The following CSMD2 variants were observed in gnomAD, a reference collection of about 807,000 sequenced individuals.
CSMD2 encodes CUB and sushi domain-containing protein 2.
Under a neutral mutation model 398.5 loss-of-function variants are expected in CSMD2, and 130 were observed. The ratio of observed to expected loss-of-function variants is 0.33; its 90% confidence interval spans 0.28 to 0.38. The LOEUF (loss-of-function observed/expected upper bound fraction) is 0.38. Among genes scored for constraint, CSMD2 ranks in the 10% least tolerant of loss-of-function variants. The pLI, the probability that CSMD2 is intolerant of heterozygous loss-of-function variation, is 1.00. For missense variants in CSMD2, 3,829 were observed against 4,764.9 expected (o/e 0.80, Z 5.78); for synonymous variants, 1,828 against 1,908.5 (o/e 0.96, Z 1.10).
intron 1 of CSMD2, among the ~76,000 whole-genome samples, chr1:34,134,938 G>A (rs1248745254): frequency 6.6e-6 from 1 of 152,114 alleles, no homozygotes; most frequent in African/African-American, 2.4e-5. Context: ...GTGGTTCCTT[G>A]ACCAGCACAT....
At position 33,848,815 on chromosome 1, in the gene CSMD2, T is replaced by TG. The variant is rs560560002; in HGVS notation, c.921-1820_921-1819insC. ...GAGCCACAAACGTATTGTGGGTTTT[T>TG]TTTTTTTTTTCTCCAGGCCAAATTC... On this transcript the variant is annotated intron_variant, in intron 5 of 70. Coordinates refer to ENST00000373381, the MANE Select transcript of CSMD2 (RefSeq NM_001281956.2). 7.9e-5 allele frequency among the ~76,000 whole-genome samples: 12 copies of TG among 151,616 alleles called. No homozygotes were observed. In the East Asian group the frequency reaches 1.9e-3, roughly 24 times the overall value.
intron 25 of CSMD2, among the ~76,000 whole-genome samples, chr1:33,681,990 A>T (rs149230749): frequency 1.0e-3 from 155 of 152,194 alleles, no homozygotes; most frequent in African/African-American, 3.4e-3. Flanking sequence ...ACATAAACAA[A>T]ACCAGAAATT....
At chr1:33,853,860 C>A (rs966446390) in intron 5 of CSMD2, among the ~76,000 whole-genome samples, 2 of 152,142 alleles carry the variant, frequency 1.3e-5, no homozygotes, top group Non-Finnish European at 2.9e-5. Flanking sequence ...GGTGGGATAT[C>A]GAATTACATC....
chr1:34,033,463 T>A (rs763827696), intron 2 of CSMD2, among the ~76,000 whole-genome samples: 7 of 152,232 alleles, frequency 4.6e-5, no homozygotes, highest in Non-Finnish European at 1.0e-4. Flanking sequence ...TAATCATTTT[T>A]AAAGATTCCT....
intron 5 of CSMD2, among the ~76,000 whole-genome samples, chr1:33,880,136 C>A (rs898294354): frequency 6.6e-6 from 1 of 152,108 alleles, no homozygotes; most frequent in South Asian, 2.1e-4. Context: ...GATGATTTAT[C>A]TAATTTAATG....
chr1:33,913,966 G>T (rs1420517239), intron 5 of CSMD2, among the ~76,000 whole-genome samples: 1 of 152,114 alleles, frequency 6.6e-6, no homozygotes, highest in Non-Finnish European at 1.5e-5. Flanking sequence ...ATGGGCTGGA[G>T]ATCACTTCTA....
chr1:33,880,755 T>C (rs1216753090), intron 5 of CSMD2, among the ~76,000 whole-genome samples: 1 of 152,196 alleles, frequency 6.6e-6, no homozygotes, highest in Non-Finnish European at 1.5e-5. Context: ...ATTCTTATAC[T>C]CAAAGAAAGT....
chr1:33,646,206 G>C (rs1201894619), intron 29 of CSMD2, among the ~76,000 whole-genome samples: 5 of 152,170 alleles, frequency 3.3e-5, no homozygotes, highest in African/African-American at 1.2e-4. Context: ...CATGACCCTA[G>C]GATTAGATGG....
At chr1:33,917,638 C>CT (rs1192814978) in intron 5 of CSMD2, among the ~76,000 whole-genome samples, 1 of 152,172 alleles carries the variant, frequency 6.6e-6, no homozygotes, top group Admixed American at 6.5e-5. Flanking sequence ...TAATGCCTTT[C>CT]TGATGTATCA....
intron 3 of CSMD2, among the ~76,000 whole-genome samples, chr1:33,997,648 G>A (rs1220681049): frequency 1.3e-5 from 2 of 152,106 alleles, no homozygotes; most frequent in South Asian, 2.1e-4. Context: ...ATTAACAAAC[G>A]TGCTGAGAGC....
At chr1:33,549,102 A>G (rs1204735403) in intron 56 of CSMD2, among the ~76,000 whole-genome samples, 1 of 152,230 alleles carries the variant, frequency 6.6e-6, no homozygotes, top group Non-Finnish European at 1.5e-5. Context: ...GAGAGATCTA[A>G]TGAATATCTC....
chr1:34,112,287 T>C (rs1459469422), intron 1 of CSMD2, among the ~76,000 whole-genome samples: 4 of 149,622 alleles, frequency 2.7e-5, no homozygotes, highest in Non-Finnish European at 4.4e-5. Flanking sequence ...TTAGAAGACA[T>C]TGCCATGGCC....
At chr1:34,060,499 CG>C (rs1339930793) in intron 2 of CSMD2, among the ~76,000 whole-genome samples, 2 of 152,158 alleles carry the variant, frequency 1.3e-5, no homozygotes, top group African/African-American at 4.8e-5. Context: ...CAGGCAACTG[CG>C]GCAGCCTGGG....
intron 25 of CSMD2, among the ~76,000 whole-genome samples, chr1:33,674,277 TG>T (rs1644619366): frequency 6.6e-6 from 1 of 150,900 alleles, no homozygotes; most frequent in Non-Finnish European, 1.5e-5. Flanking sequence ...ACCAAGCAAA[TG>T]GAAAACAAAA....
At chr1:33,968,657 T>A (rs1192163609) in intron 3 of CSMD2, among the ~76,000 whole-genome samples, 1 of 152,158 alleles carries the variant, frequency 6.6e-6, no homozygotes, top group Non-Finnish European at 1.5e-5. Context: ...CTGAATGAGC[T>A]TGGAATTGAA....
At chr1:33,779,975 A>G (rs1652503116) in intron 12 of CSMD2, among the ~76,000 whole-genome samples, 1 of 152,200 alleles carries the variant, frequency 6.6e-6, no homozygotes, top group African/African-American at 2.4e-5. Flanking sequence ...AACAGCGTAG[A>G]GTCTAGAGAA....
intron 8 of CSMD2, among the ~76,000 whole-genome samples, chr1:33,820,095 A>C (rs746048662): frequency 4.6e-5 from 7 of 152,178 alleles, no homozygotes; most frequent in Admixed American, 1.3e-4. Flanking sequence ...TGAGATAAGC[A>C]CCAGTTAGGG....
chr1:33,720,237 A>C (rs1646314495), intron 19 of CSMD2, among the ~76,000 whole-genome samples: 1 of 152,242 alleles, frequency 6.6e-6, no homozygotes, highest in Admixed American at 6.5e-5. Context: ...GCCAGAAGCC[A>C]AGAAAACTAC....
intron 22 of CSMD2, among the ~76,000 whole-genome samples, chr1:33,708,418 G>A (rs1354815608): frequency 1.3e-5 from 2 of 151,932 alleles, no homozygotes; most frequent in East Asian, 1.9e-4. Context: ...CATGGACACC[G>A]ATTCACACAC....
Sources: allele counts gnomAD v4.1 joint callset (sites outside exome capture counted in the v4.1 genomes callset), GRCh38; gene constraint gnomAD v4.1.1; transcripts MANE v1.5; gene names NCBI Gene and HGNC (gene_info 2026-07-23, HGNC 2026-07-21).